ZSCAN25: variants seen among roughly 807,000 people sequenced by gnomAD.
ZSCAN25 encodes zinc finger and SCAN domain containing 25.
Under a neutral mutation model 38.7 loss-of-function variants are expected in ZSCAN25, and 27 were observed. The observed-to-expected ratio is 0.70, with a 90% confidence interval of 0.51 to 0.96. ZSCAN25 has a LOEUF of 0.96. Ranked by LOEUF, ZSCAN25 falls within the 40% of genes least tolerant of loss-of-function variation. The pLI, the probability that ZSCAN25 is intolerant of heterozygous loss-of-function variation, is 0.00. For synonymous variants in ZSCAN25, 273 were observed against 277.7 expected (o/e 0.98, Z 0.17); for missense variants, 637 against 705.9 (o/e 0.90, Z 1.11).
the ZSCAN25 span, chr7:99,663,567 T>A: frequency 3.0e-6 from 3 of 993,850 alleles, no homozygotes; most frequent in Non-Finnish European, 3.6e-6. Context: ...GACCTTTAAT[T>A]GCAGAATATG....
chr7:99,714,722 G>C, the ZSCAN25 span: 1 of 1,600,010 alleles, frequency 6.2e-7, no homozygotes, highest in African/African-American at 1.3e-5. Context: ...AAACCATTGT[G>C]AACATACAAA....
the ZSCAN25 span, among the ~76,000 whole-genome samples, chr7:99,679,002 T>A: frequency 6.6e-6 from 1 of 152,194 alleles, no homozygotes; most frequent in Non-Finnish European, 1.5e-5. Flanking sequence ...AAAATCCAAA[T>A]TGGCTTTCAT....
the ZSCAN25 span, among the ~76,000 whole-genome samples, chr7:99,687,448 A>G: frequency 4.6e-5 from 7 of 152,220 alleles, no homozygotes; most frequent in Non-Finnish European, 1.0e-4. Context: ...TGAATGAAAT[A>G]AAGCGAGAAG....
the ZSCAN25 span, chr7:99,672,970 A>T: frequency 2.8e-6 from 3 of 1,069,036 alleles, no homozygotes; most frequent in Non-Finnish European, 3.5e-6. Flanking sequence ...ACAGTAGAGC[A>T]TTCGTTAAGC....
chr7:99,623,650 G>A (rs1807198516), intron 6 of ZSCAN25, among the ~76,000 whole-genome samples: 1 of 152,224 alleles, frequency 6.6e-6, no homozygotes, highest in Non-Finnish European at 1.5e-5. Context: ...TGACATCAGT[G>A]CTTTTTAATT....
At chr7:99,679,675 A>C in the ZSCAN25 span, 1 of 690,384 alleles carries the variant, frequency 1.4e-6, no homozygotes, top group Non-Finnish European at 2.5e-6. Flanking sequence ...TGCATAAGAT[A>C]ATAATAACTT....
the ZSCAN25 span, chr7:99,685,346 C>T: frequency 1.4e-6 from 2 of 1,390,356 alleles, no homozygotes; most frequent in South Asian, 1.2e-5. Flanking sequence ...AGTTTGTGAC[C>T]ATTACAAACT....
the ZSCAN25 span, among the ~76,000 whole-genome samples, chr7:99,673,708 A>G: frequency 1.3e-5 from 2 of 152,234 alleles, no homozygotes; most frequent in Admixed American, 6.5e-5. Flanking sequence ...TTGAAAGTGA[A>G]TCAATGTGGG....
the ZSCAN25 span, chr7:99,695,788 G>A: frequency 1.2e-6 from 2 of 1,613,686 alleles, no homozygotes; most frequent in Non-Finnish European, 1.7e-6. Flanking sequence ...GCAGAGGTGT[G>A]GGCCCTGGAA....
the ZSCAN25 span, chr7:99,638,578 T>A: frequency 9.6e-6 from 15 of 1,565,540 alleles, no homozygotes; most frequent in Admixed American, 2.5e-4. Flanking sequence ...GCCACCCACA[T>A]CCCATATGTT....
chr7:99,709,227 T>C, the ZSCAN25 span: 3 of 1,613,896 alleles, frequency 1.9e-6, no homozygotes, highest in African/African-American at 1.3e-5. Context: ...GTCAAGATAC[T>C]CCAACTGTAG....
chr7:99,670,849 T>C, the ZSCAN25 span: 1 of 152,322 alleles, frequency 6.6e-6, no homozygotes, highest in Non-Finnish European at 1.5e-5. Context: ...TCAAGCCAGA[T>C]ACTGATGGAT....
In ZSCAN25 at chr7:99,629,734, G is replaced by T; in HGVS notation, c.1349G>T (p.Arg450Leu). 6.2e-7 allele frequency: 1 copy of T among 1,614,100 alleles called. No individual in the cohort carries two copies. The highest frequency in any genetic ancestry group is 8.5e-7 in the Non-Finnish European group (1 of 1,180,022). Residue 450 changes from arginine (R) to leucine (L), a missense_variant, in exon 8 of 8, where the codon CGG becomes CTG. Transcript: ENST00000394152. This position sits in a 1 kb window ranked among gnomAD's most constrained non-coding sequence, Gnocchi z 5.6. ...FSRRQHLQVH[R>L]RTHTGEKPYT... is the part of the protein sequence containing the mutation. ...CGCAGGCAGCACCTGCAGGTGCACC[G>T]GAGGACGCACACCGGGGAGAAGCCC...
the ZSCAN25 span, among the ~76,000 whole-genome samples, chr7:99,737,101 A>T: frequency 2.0e-5 from 3 of 152,192 alleles, no homozygotes; most frequent in East Asian, 3.9e-4. Flanking sequence ...GAATTCTGGT[A>T]CATTTCTGTC....
At chr7:99,696,839 C>G in the ZSCAN25 span, among the ~76,000 whole-genome samples, 1 of 152,158 alleles carries the variant, frequency 6.6e-6, no homozygotes, top group Admixed American at 6.5e-5. Flanking sequence ...CACACCAACC[C>G]CCTTTGGGTG....
downstream of ZSCAN25, among the ~76,000 whole-genome samples, chr7:99,636,046 C>CA (rs780898445): frequency 0.074 from 3,046 of 41,260 alleles, 135 homozygotes; most frequent in African/African-American, 0.087. Context: ...GACTCCATCT[C>CA]AAAAAAAAAA....
At chr7:99,676,876 G>A in the ZSCAN25 span, among the ~76,000 whole-genome samples, 1 of 152,046 alleles carries the variant, frequency 6.6e-6, no homozygotes, top group African/African-American at 2.4e-5. Flanking sequence ...CAGCTTTCAG[G>A]TACACCTCAG....
At chr7:99,730,939 C>T in the ZSCAN25 span, 62 of 1,338,288 alleles carry the variant, frequency 4.6e-5, no homozygotes, top group Non-Finnish European at 5.8e-5. Flanking sequence ...GATGCCTACA[C>T]GCTATTTCTG....
At chr7:99,705,344 G>C in the ZSCAN25 span, 1 of 814,982 alleles carries the variant, frequency 1.2e-6, no homozygotes, top group East Asian at 2.8e-5. Flanking sequence ...CAGACCATGA[G>C]AGAGCACAAT....
Sources: allele counts gnomAD v4.1 joint callset (sites outside exome capture counted in the v4.1 genomes callset), GRCh38; gene constraint gnomAD v4.1.1; non-coding constraint Gnocchi (gnomAD v3.1); transcripts MANE v1.5; gene names NCBI Gene and HGNC (gene_info 2026-07-23, HGNC 2026-07-21).